Variants in SRRM4 observed in about 807,000 individuals in gnomAD.
SRRM4 encodes the protein serine/arginine repetitive matrix 4.
In SRRM4, 33 loss-of-function variants were observed where a neutral mutation model predicts 68.9. The ratio of observed to expected loss-of-function variants is 0.48; its 90% confidence interval spans 0.36 to 0.64. The LOEUF (loss-of-function observed/expected upper bound fraction) is 0.64. SRRM4 is among the 30% of genes least tolerant of loss of function. The pLI is 0.00. For synonymous variants in SRRM4, 318 were observed against 318.8 expected, an observed-to-expected ratio of 1.00 and a Z score of 0.03; for missense variants, 817 against 827.1, an observed-to-expected ratio of 0.99 and a Z score of 0.15.
At chr12:119,076,849 C>G (rs1031370776) in intron 1 of SRRM4, among the ~76,000 whole-genome samples, 3 of 152,184 alleles carry the variant, frequency 2.0e-5, no homozygotes, top group Non-Finnish European at 4.4e-5. Context: ...AGCATCAATA[C>G]TAATAACTTG....
At chr12:119,037,914 A>T (rs919261585) in intron 1 of SRRM4, among the ~76,000 whole-genome samples, 4 of 152,204 alleles carry the variant, frequency 2.6e-5, no homozygotes, top group Admixed American at 6.5e-5. Flanking sequence ...GGATAGTAAT[A>T]TTCTCTGCTG....
intron 11 of SRRM4, among the ~76,000 whole-genome samples, chr12:119,153,947 C>G (rs1225869601): frequency 6.6e-6 from 1 of 152,062 alleles, no homozygotes; most frequent in East Asian, 1.9e-4. Context: ...ACCCACGCAC[C>G]AGGGCCTGCG....
chr12:119,021,139 G>A (rs544874359), intron 1 of SRRM4, among the ~76,000 whole-genome samples: 3 of 152,292 alleles, frequency 2.0e-5, no homozygotes, highest in African/African-American at 7.2e-5. Context: ...GTGTGAGAAG[G>A]GTGAGGGGGT....
At chr12:119,103,678 G>A (rs532961386) in intron 2 of SRRM4, among the ~76,000 whole-genome samples, 2 of 152,218 alleles carry the variant, frequency 1.3e-5, no homozygotes, top group Non-Finnish European at 2.9e-5. Flanking sequence ...GAGATAAAGA[G>A]AGAAGTGAGA....
chr12:119,089,584 C>T (rs1440671070), intron 1 of SRRM4, among the ~76,000 whole-genome samples: 1 of 152,102 alleles, frequency 6.6e-6, no homozygotes, highest in African/African-American at 2.4e-5. Flanking sequence ...AAGGATGGAG[C>T]CTACGGAATA....
At chr12:119,128,095 A>C (rs924243626) in intron 7 of SRRM4, among the ~76,000 whole-genome samples, 3 of 152,172 alleles carry the variant, frequency 2.0e-5, no homozygotes, top group Non-Finnish European at 4.4e-5. Flanking sequence ...CTTGGTACCT[A>C]CTATCACAAT....
chr12:119,017,675 C>T (rs551096625), intron 1 of SRRM4, among the ~76,000 whole-genome samples: 167 of 152,206 alleles, frequency 1.1e-3, no homozygotes, highest in African/African-American at 3.7e-3. Flanking sequence ...GAGTCCATTG[C>T]GGGGGCAGTC....
At chr12:119,006,215 G>A (rs1953415169) in intron 1 of SRRM4, among the ~76,000 whole-genome samples, 1 of 152,156 alleles carries the variant, frequency 6.6e-6, no homozygotes, top group Non-Finnish European at 1.5e-5. Flanking sequence ...TTTCCAGGGA[G>A]GATTCTGTCC....
intron 1 of SRRM4, among the ~76,000 whole-genome samples, chr12:118,994,509 T>C (rs1248232442): frequency 6.6e-6 from 1 of 152,146 alleles, no homozygotes; most frequent in African/African-American, 2.4e-5. Context: ...CACTGGAAAA[T>C]AGCGTGCTCT....
rs34887621 is a variant in SRRM4, at chr12:119,100,327, CAAA to C, written c.132-1895_132-1893del. 4.7e-5 allele frequency among the ~76,000 whole-genome samples: 5 copies of C among 105,440 alleles called. No homozygotes were observed. In the East Asian group the frequency reaches 1.1e-3, roughly 23 times the overall value. The allele number at this position is 105,440 out of a possible 152,430, so 69.2% of individuals were successfully genotyped here. ...ACAATACAGTGGGACCCTGTCTCTACAAAAAAAAAAAAAAAATCTGGGTGTGGT... is the reference window on the plus strand; with the variant it reads ...ACAATACAGTGGGACCCTGTCTCTACAAAAAAAAAAAAATCTGGGTGTGGT... On this transcript the variant is annotated intron_variant, in intron 1 of 12. Coordinates refer to ENST00000267260, the MANE Select transcript of SRRM4 (RefSeq NM_194286.4).
intron 1 of SRRM4, among the ~76,000 whole-genome samples, chr12:119,017,949 C>T (rs935772662): frequency 1.7e-4 from 26 of 152,148 alleles, no homozygotes; most frequent in Non-Finnish European, 3.5e-4. Context: ...GGTTAGTTAA[C>T]CCATCTGAAC....
chr12:119,000,770 C>CCTAA (rs1953378818), intron 1 of SRRM4: 2 of 81,152 alleles, frequency 2.5e-5, no homozygotes, highest in African/African-American at 7.9e-5. Flanking sequence ...TTTGCCAGAG[C>CCTAA]CTAACCTAAA....
rs137909360 is a variant in SRRM4 at position 119,048,250 on chromosome 12, C to T, written c.132-53986C>T. Reference sequence around the variant, plus strand: ...GCTGGAGAGGGCGGTAAAGCCAAGACCCAGCTCTGGGTCTCCCTAACCCAG... The same window carrying T: ...GCTGGAGAGGGCGGTAAAGCCAAGATCCAGCTCTGGGTCTCCCTAACCCAG... On this transcript the variant is annotated intron_variant, in intron 1 of 12. Transcript: ENST00000267260. Among the ~76,000 whole-genome samples, 6 of 152,308 alleles carry T rather than the reference C, an allele frequency of 3.9e-5. No homozygotes were observed. The East Asian group carries it at 1.2e-3, about 29-fold the overall frequency.
intron 1 of SRRM4, among the ~76,000 whole-genome samples, chr12:119,010,374 G>A (rs1009531932): frequency 1.3e-5 from 2 of 152,198 alleles, no homozygotes; most frequent in Non-Finnish European, 2.9e-5. Context: ...TTTCTGAGAT[G>A]AATCATTGCG....
Position 119,005,119 on chromosome 12 carries a change from T to TG in SRRM4, c.131+23111dup, listed in dbSNP as rs573237695. Among the ~76,000 whole-genome samples, 285 of 152,322 alleles carry TG rather than the reference T, an allele frequency of 1.9e-3. 1 individual carries two copies. Among genetic ancestry groups the TG allele is most frequent in the Non-Finnish European group, 2.9e-3 (197 of 68,028 alleles). On this transcript the variant is annotated intron_variant, in intron 1 of 12. Transcript: ENST00000267260. The stretch of plus-strand genomic sequence containing the variant: ...TAGGCCCCTAAACTCTGGCTGACTC[T>TG]GGGGGAAAGGAGGAGAAGGGACAGT...
chr12:118,990,309 G>C (rs1165755242), intron 1 of SRRM4, among the ~76,000 whole-genome samples: 1 of 152,224 alleles, frequency 6.6e-6, no homozygotes, highest in South Asian at 2.1e-4. Flanking sequence ...CAGCAACCAG[G>C]GGAGTCTCTA....
At chr12:119,034,172 CA>C (rs1953611653) in intron 1 of SRRM4, among the ~76,000 whole-genome samples, 2 of 152,176 alleles carry the variant, frequency 1.3e-5, no homozygotes, top group African/African-American at 4.8e-5. Flanking sequence ...GGCCTCAGCC[CA>C]CACCACAGAG....
chr12:118,984,147 A>C (rs533687294), intron 1 of SRRM4, among the ~76,000 whole-genome samples: 1 of 152,344 alleles, frequency 6.6e-6, no homozygotes, highest in South Asian at 2.1e-4. Context: ...CCAAGTCCTC[A>C]GGAAAGGTTG....
chr12:119,160,478 G>A lies in SRRM4; in HGVS notation c.*3680G>A, dbSNP rs1339194511. On this transcript the variant is annotated 3_prime_UTR_variant, in exon 13 of 13. Transcript: ENST00000267260. The stretch of plus-strand genomic sequence containing the variant: ...ACCCTCATTACCTTCTGCTTCCAAG[G>A]AATATGACAGATCACCAGGATGCTG... 1.3e-5 allele frequency: 2 copies of A among 152,066 alleles called. No individual in the cohort carries two copies. Among genetic ancestry groups the A allele is most frequent in the African/African-American group, 2.4e-5 (1 of 41,406 alleles). The allele number at this position is 152,066 out of a possible 1,614,324, so 9.4% of individuals were successfully genotyped here. A position where few individuals can be genotyped will look rare whatever the true frequency, so the allele number is the denominator to read the frequency against.
Sources: allele counts gnomAD v4.1 joint callset (sites outside exome capture counted in the v4.1 genomes callset), GRCh38; gene constraint gnomAD v4.1.1; transcripts MANE v1.5; gene names NCBI Gene and HGNC (gene_info 2026-07-23, HGNC 2026-07-21).